The following PLEKHA6 variants were observed in gnomAD, a reference collection of about 807,000 sequenced individuals.
The protein encoded by PLEKHA6 is pleckstrin homology domain-containing family A member 6.
Under a neutral mutation model 116.7 loss-of-function variants are expected in PLEKHA6, and 60 were observed. The observed-to-expected ratio is 0.51, with a 90% CI of 0.42 to 0.64. PLEKHA6 has a LOEUF of 0.64. Among genes scored for constraint, PLEKHA6 ranks in the 30% least tolerant of loss-of-function variants. PLEKHA6 has a pLI of 0.00. For synonymous variants in PLEKHA6, 489 were observed against 556.1 expected (o/e 0.88, Z 1.70); for missense variants, 1,338 against 1,422.7 (o/e 0.94, Z 0.96).
At chr1:204,287,937 T>G (rs538588857) in intron 1 of PLEKHA6, among the ~76,000 whole-genome samples, 2 of 152,292 alleles carry the variant, frequency 1.3e-5, no homozygotes, top group Non-Finnish European at 2.9e-5. Context: ...TTTAAAGATT[T>G]CCTTCTAATA....
chr1:204,375,076 C>T (rs1673843362), intron 1 of PLEKHA6, among the ~76,000 whole-genome samples: 2 of 152,094 alleles, frequency 1.3e-5, no homozygotes, highest in African/African-American at 4.8e-5. Flanking sequence ...GTGCTGCCCA[C>T]CTCTGCAACC....
rs1281382742 is a variant in PLEKHA6, at chr1:204,248,883, T to C, written c.1762A>G (p.Lys588Glu). Residue 588 changes from lysine (K) to glutamate (E), a missense_variant, in exon 12 of 23, where the codon AAA (lysine) becomes GAA (glutamate). Lys to Glu is a moderately conservative substitution (Grantham distance 56, BLOSUM62 1). Around this residue, in one of 3 missense-constraint regions of PLEKHA6, gnomAD observed 1,136 missense variants for 1,163.6 expected, o/e 0.98. Coordinates refer to ENST00000272203, the MANE Select transcript of PLEKHA6 (RefSeq NM_014935.5). ...AGCTGGTTCTGCAGTGAATCCTTTTTGTGTCGCAGCTTTTCTGGGTAGGCG... is the reference window on the plus strand; with the variant it reads ...AGCTGGTTCTGCAGTGAATCCTTTTCGTGTCGCAGCTTTTCTGGGTAGGCG... ...QPAYPEKLRH[K>E]KDSLQNQLIN... 1 of 1,614,182 alleles carries C rather than the reference T, an allele frequency of 6.2e-7. No homozygotes were observed. Among genetic ancestry groups the C allele is most frequent in the Non-Finnish European group, 8.5e-7 (1 of 1,180,030 alleles).
At chr1:204,316,733 A>G (rs1671873480) in intron 1 of PLEKHA6, among the ~76,000 whole-genome samples, 1 of 152,244 alleles carries the variant, frequency 6.6e-6, no homozygotes, top group Admixed American at 6.5e-5. Context: ...AGCTCAATAC[A>G]GGTATCAAAC....
intron 1 of PLEKHA6, among the ~76,000 whole-genome samples, chr1:204,332,529 G>A (rs1293777298): frequency 4.6e-5 from 7 of 152,136 alleles, no homozygotes; most frequent in African/African-American, 1.7e-4. Context: ...TTACAGGAAC[G>A]CGCCACCATG....
At chr1:204,258,189 G>A (rs1665617402) in intron 8 of PLEKHA6, among the ~76,000 whole-genome samples, 1 of 152,152 alleles carries the variant, frequency 6.6e-6, no homozygotes, top group Admixed American at 6.5e-5. Context: ...TTCTGAGAGA[G>A]GCAAATAGAA....
chr1:204,244,697 G>A (rs953992145), intron 15 of PLEKHA6, among the ~76,000 whole-genome samples, 167 bp downstream of exon 15: 2 of 152,246 alleles, frequency 1.3e-5, no homozygotes, highest in African/African-American at 2.4e-5. Flanking sequence ...AACCTGGAGA[G>A]AAGTTCACAA....
intron 1 of PLEKHA6, among the ~76,000 whole-genome samples, chr1:204,299,845 A>T (rs1572126066): frequency 6.6e-6 from 1 of 151,604 alleles, no homozygotes; most frequent in Non-Finnish European, 1.5e-5. Flanking sequence ...CTAACCTACC[A>T]CCCTTCCTAA....
chr1:204,368,063 T>G (rs1007924020), intron 2 of PLEKHA6, among the ~76,000 whole-genome samples: 8 of 152,208 alleles, frequency 5.3e-5, no homozygotes, highest in Non-Finnish European at 8.8e-5. Context: ...TAATGAGAGA[T>G]ATGGGAGTGG....
rs1213268604 is a variant in PLEKHA6, at chr1:204,263,866, T to A, written c.381+1076A>T. Among the ~76,000 whole-genome samples, 3 of 152,098 alleles carry A rather than the reference T, an allele frequency of 2.0e-5. 1 individual carries two copies. The highest frequency in any genetic ancestry group is 2.0e-4 in the Admixed American group (3 of 15,268). On this transcript the variant is annotated intron_variant, in intron 6 of 22. Transcript: ENST00000272203. ...GAGCTTTATTAATTGTTCATTCTCT[T>A]CACACCTCTGGCATACAAGACCCCG...
chr1:204,338,070 G>A (rs1672715939), intron 1 of PLEKHA6, among the ~76,000 whole-genome samples: 5 of 152,224 alleles, frequency 3.3e-5, no homozygotes, highest in Admixed American at 3.3e-4. Context: ...GTTCCAAGAG[G>A]TTAAGCCTAC....
chr1:204,247,507 CA>C (rs1663884925), intron 12 of PLEKHA6, 47 bp from the exon 13 acceptor site: 1 of 1,255,696 alleles, frequency 8.0e-7, no homozygotes, highest in Admixed American at 1.7e-5. Context: ...ATCACCAAGG[CA>C]TTCCTCCTTA....
At chr1:204,252,953 T>C (rs893404547) in intron 9 of PLEKHA6, among the ~76,000 whole-genome samples, 1 of 152,248 alleles carries the variant, frequency 6.6e-6, no homozygotes, top group Non-Finnish European at 1.5e-5. Context: ...GTTCTCATCC[T>C]GGCCTGCTCC....
chr1:204,264,916 GC>G (rs1390758584), intron 6 of PLEKHA6, 25 bp downstream of exon 6: 1 of 1,496,064 alleles, frequency 6.7e-7, no homozygotes. Flanking sequence ...TTCCCCACCT[GC>G]CCTGGGAAGG....
At chr1:204,321,693 T>C (rs567282830) in intron 1 of PLEKHA6, among the ~76,000 whole-genome samples, 13 of 152,330 alleles carry the variant, frequency 8.5e-5, no homozygotes, top group Admixed American at 5.9e-4. Flanking sequence ...CTTATTTTTC[T>C]TCATCCTTTG....
At chr1:204,321,190 C>A (rs1000368891) in intron 1 of PLEKHA6, among the ~76,000 whole-genome samples, 40 of 152,102 alleles carry the variant, frequency 2.6e-4, no homozygotes, top group African/African-American at 9.4e-4. Context: ...TCAGGGGAAG[C>A]CAAAGGCACT....
At chr1:204,355,755 G>C (rs892009110) in intron 1 of PLEKHA6, among the ~76,000 whole-genome samples, 2 of 152,044 alleles carry the variant, frequency 1.3e-5, no homozygotes, top group African/African-American at 4.8e-5. Context: ...TGATCTTAAT[G>C]ACTCTGCACA....
In PLEKHA6 at chr1:204,259,183, G is replaced by C; in HGVS notation, c.1007+75C>G. 2 of 1,504,238 alleles carry C rather than the reference G, an allele frequency of 1.3e-6. No individual in the cohort carries two copies. The highest frequency in any genetic ancestry group is 1.8e-4 in the Middle Eastern group (1 of 5,690). The allele number at this position is 1,504,238 out of a possible 1,614,324, so 93.2% of individuals were successfully genotyped here. A position where few individuals can be genotyped will look rare whatever the true frequency, so the allele number is the denominator to read the frequency against. On this transcript the variant is annotated intron_variant, in intron 8 of 22. Coordinates refer to ENST00000272203, the MANE Select transcript of PLEKHA6 (RefSeq NM_014935.5). The surrounding 1 kb of genome is among the most constrained non-coding windows in gnomAD (Gnocchi z 4.6). ...GAAGGTTTCCAACAGGGGATGCCTC[G>C]TGGGCTATGACCCCACTCGCACGCT...
intron 21 of PLEKHA6, among the ~76,000 whole-genome samples, chr1:204,224,145 C>A (rs993730738): frequency 4.8e-4 from 73 of 152,098 alleles, no homozygotes; most frequent in Non-Finnish European, 1.9e-4. Context: ...CCTGCTAACA[C>A]TTGAGACCCC....
In PLEKHA6 at chr1:204,267,509, G is replaced by A. The variant is rs752962685; in HGVS notation, c.246C>T (p.Phe82=). 38 of 1,613,988 alleles carry A rather than the reference G, an allele frequency of 2.4e-5. No homozygotes were observed. Among genetic ancestry groups the A allele is most frequent in the Admixed American group, 3.3e-5 (2 of 60,008 alleles). The change falls in exon 5 of 23, where the codon TTC becomes TTT. Residue 82 remains phenylalanine, a synonymous_variant. Transcript: ENST00000272203. ...AGAAGAGGCAGCGATCCACCAGGAC[G>A]AACCAGCGCTTGTTCCACTGCTTAA... ...SGVKQWNKRW[F]VLVDRCLFYY...
Sources: allele counts gnomAD v4.1 joint callset (sites outside exome capture counted in the v4.1 genomes callset), GRCh38; gene constraint gnomAD v4.1.1; regional missense constraint gnomAD v4.1.1; non-coding constraint Gnocchi (gnomAD v3.1); transcripts MANE v1.5; gene names NCBI Gene and HGNC (gene_info 2026-07-23, HGNC 2026-07-21).